Variants in DSN1 observed in about 807,000 individuals in gnomAD.
DSN1 encodes kinetochore-associated protein DSN1 homolog.
A neutral mutation model predicts 45.7 loss-of-function variants in DSN1; 31 were observed. The ratio of observed to expected loss-of-function variants is 0.68; its 90% CI spans 0.51 to 0.92. The LOEUF is 0.92. Ranked by LOEUF, DSN1 falls within the 40% of genes least tolerant of loss-of-function variation. DSN1 has a pLI of 0.00. For synonymous variants in DSN1, 134 were observed against 142.3 expected, an observed-to-expected ratio of 0.94 and a Z score of 0.41; for missense variants, 394 against 414.2, an observed-to-expected ratio of 0.95 and a Z score of 0.42.
At chr20:36,770,804 C>CT (rs772717703) in intron 3 of DSN1, 69 bp downstream of exon 3, 3 of 1,514,900 alleles carry the variant, frequency 2.0e-6, no homozygotes, top group Non-Finnish European at 2.6e-6. Flanking sequence ...CTCACTGCCT[C>CT]TTATCTGAGC....
At chr20:36,773,231 A>C (rs945461979) in intron 1 of DSN1, among the ~76,000 whole-genome samples, 11 of 152,206 alleles carry the variant, frequency 7.2e-5, no homozygotes, top group African/African-American at 2.7e-4. Context: ...TTGCATCGTT[A>C]TTCCACTTAA....
intron 1 of DSN1, chr20:36,773,290 G>A (rs571532853): frequency 1.3e-6 from 1 of 769,510 alleles, no homozygotes; most frequent in Non-Finnish European, 1.6e-6. Flanking sequence ...TGCAGACAGG[G>A]GAACTGAGGT....
intron 4 of DSN1, among the ~76,000 whole-genome samples, chr20:36,767,307 A>G (rs1391624458): frequency 1.3e-5 from 2 of 150,194 alleles, no homozygotes; most frequent in Non-Finnish European, 2.9e-5. Context: ...CTCCGTCTCA[A>G]AAAAACAACA....
In DSN1 at chr20:36,752,893, C is replaced by T; in HGVS notation, c.966G>A (p.Lys322=). ...AGGGATCTAATTGTTGCATGCTTCT[C>T]TTTCCTGCAGAGAAAAGAGGCCAAA... The part of the protein sequence containing the change: ...CFQKVSVQLG[K]RSMQQLDPSP... The change falls in exon 11 of 11, where the codon AAG becomes AAA. Residue 322 remains lysine, a synonymous_variant. Coordinates refer to ENST00000373750, the MANE Select transcript of DSN1 (RefSeq NM_001145315.2). The T allele has an allele frequency of 6.2e-7, 1 of 1,613,742 alleles. No homozygotes were observed. Among genetic ancestry groups the T allele is most frequent in the Non-Finnish European group, 8.5e-7 (1 of 1,179,800 alleles).
chr20:36,754,876 T>C (rs1482205093), intron 9 of DSN1, 26 bp from the exon 10 acceptor site: 15 of 1,603,364 alleles, frequency 9.4e-6, no homozygotes, highest in East Asian at 2.2e-5. Context: ...AGCTGTGAGC[T>C]GTAAAGGTCC....
chr20:36,773,028 G>A (rs1052635715), intron 1 of DSN1, among the ~76,000 whole-genome samples: 3 of 152,152 alleles, frequency 2.0e-5, no homozygotes, highest in Admixed American at 1.3e-4. Flanking sequence ...TATGCAGAGG[G>A]ACAAAAAGGA....
At chr20:36,757,650 C>G (rs1986749273) in intron 8 of DSN1, among the ~76,000 whole-genome samples, 1 of 152,216 alleles carries the variant, frequency 6.6e-6, no homozygotes, top group Non-Finnish European at 1.5e-5. Context: ...AAGATCCTCT[C>G]TTTCCTCAAT....
chr20:36,754,726 C>T (rs1986576250), intron 10 of DSN1, 37 bp downstream of exon 10: 2 of 1,576,888 alleles, frequency 1.3e-6, no homozygotes, highest in South Asian at 1.1e-5. Context: ...TCATGGAAAA[C>T]AGCCTGAACT....
intron 10 of DSN1, among the ~76,000 whole-genome samples, chr20:36,754,022 CA>C (rs973082894): frequency 6.6e-6 from 1 of 150,632 alleles, no homozygotes; most frequent in East Asian, 2.0e-4. Flanking sequence ...AAAAAACAAA[CA>C]AAAAAACCCA....
rs969197916 is a variant in DSN1 at position 36,773,564 on chromosome 20, G to T, written c.-16+98C>A. The T allele has an allele frequency of 4.1e-6, 4 of 985,790 alleles. No homozygotes were observed. In the African/African-American group the frequency reaches 7.0e-5, roughly 17 times the overall value. 61.1% of individuals were successfully genotyped at this position (985,790 alleles called of 1,614,324 possible). A position where few individuals can be genotyped will look rare whatever the true frequency, so the allele number is the denominator to read the frequency against. On this transcript the variant is annotated intron_variant, in intron 1 of 10. Coordinates refer to ENST00000373750, the MANE Select transcript of DSN1 (RefSeq NM_001145315.2). ...TGCGGCGGGTCGAGCTGGGCCGACGGGTACGACGCCGAAGAGATTAGTGCG... is the reference window on the plus strand; with the variant it reads ...TGCGGCGGGTCGAGCTGGGCCGACGTGTACGACGCCGAAGAGATTAGTGCG...
intron 8 of DSN1, among the ~76,000 whole-genome samples, chr20:36,757,248 C>A (rs1407192871): frequency 6.6e-6 from 1 of 151,938 alleles, no homozygotes; most frequent in Non-Finnish European, 1.5e-5. Context: ...CCCAGCTACT[C>A]GGGAGGCTGA....
intron 4 of DSN1, among the ~76,000 whole-genome samples, chr20:36,767,130 C>A (rs776662292): frequency 4.6e-5 from 7 of 151,698 alleles, no homozygotes; most frequent in Non-Finnish European, 1.0e-4. Flanking sequence ...ATGGTGAAAC[C>A]CCATCTCTAC....
intron 3 of DSN1, among the ~76,000 whole-genome samples, chr20:36,769,173 T>G (rs1322696329): frequency 6.6e-6 from 1 of 152,158 alleles, no homozygotes; most frequent in African/African-American, 2.4e-5. Flanking sequence ...GTAGATACCG[T>G]TTTTTAAAAT....
At chr20:36,773,047 C>G (rs1176638033) in intron 1 of DSN1, among the ~76,000 whole-genome samples, 1 of 152,156 alleles carries the variant, frequency 6.6e-6, no homozygotes, top group Non-Finnish European at 1.5e-5. Context: ...GAAAAGATAA[C>G]AAGGAGGGCT....
At chr20:36,773,566 T>C in intron 1 of DSN1, 96 bp downstream of exon 1, 1 of 985,694 alleles carries the variant, frequency 1.0e-6, no homozygotes, top group South Asian at 4.6e-5. Context: ...GGCCGACGGG[T>C]ACGACGCCGA....
At chr20:36,765,855 A>C (rs966090820) in intron 5 of DSN1, among the ~76,000 whole-genome samples, 6 of 151,372 alleles carry the variant, frequency 4.0e-5, no homozygotes, top group Middle Eastern at 3.2e-3. Flanking sequence ...CTAAAAAAAA[A>C]AAAAAAAACA....
chr20:36,765,648 AT>A, intron 5 of DSN1, among the ~76,000 whole-genome samples: 1 of 151,704 alleles, frequency 6.6e-6, no homozygotes, highest in Middle Eastern at 3.4e-3. Context: ...AATACAAAAA[AT>A]TAGCCGGGCG....
intron 5 of DSN1, among the ~76,000 whole-genome samples, chr20:36,764,554 A>ACT (rs1385764364): frequency 2.0e-5 from 3 of 152,182 alleles, no homozygotes; most frequent in African/African-American, 4.8e-5. Context: ...TTCACAGACA[A>ACT]CTAGCTAACT....
intron 5 of DSN1, among the ~76,000 whole-genome samples, chr20:36,763,410 GAAAAAAAAAAAA>G (rs71186016): frequency 3.6e-5 from 3 of 84,098 alleles, no homozygotes; most frequent in African/African-American, 1.4e-4. Flanking sequence ...CTCAAAAAAA[GAAAAAAAAAAAA>G]AAAAAAAAAA....
Sources: allele counts gnomAD v4.1 joint callset (sites outside exome capture counted in the v4.1 genomes callset), GRCh38; gene constraint gnomAD v4.1.1; transcripts MANE v1.5; gene names NCBI Gene and HGNC (gene_info 2026-07-23, HGNC 2026-07-21).